ACADM: variants seen among roughly 807,000 people sequenced by gnomAD.
ACADM encodes the protein acyl-CoA dehydrogenase medium chain.
A neutral mutation model predicts 58.9 loss-of-function variants in ACADM; 49 were observed. The ratio of observed to expected loss-of-function variants is 0.83; its 90% confidence interval spans 0.66 to 1.06. The LOEUF (loss-of-function observed/expected upper bound fraction) is 1.06, where lower values mean the gene tolerates loss of function less well. Among genes scored for constraint, ACADM ranks in the 50% least tolerant of loss-of-function variants. The pLI is 0.00. For missense variants in ACADM, 496 were observed against 507.0 expected, an observed-to-expected ratio of 0.98 and a Z score of 0.21; for synonymous variants, 160 against 157.7, an observed-to-expected ratio of 1.01 and a Z score of -0.11.
chr1:75,732,797 G>A lies in ACADM; in HGVS notation c.216+56G>A, dbSNP rs1647168935. ...TCTTTTACATTTTTTACAAGATTAT[G>A]TAATCAAACTATCTGGATTTCAAAA... On this transcript the variant is annotated intron_variant, in intron 3 of 11. Coordinates refer to ENST00000370841, the MANE Select transcript of ACADM (RefSeq NM_000016.6). 3.7e-6 allele frequency: 6 copies of A among 1,603,978 alleles called. No individual in the cohort carries two copies. The East Asian group carries it at 1.3e-4, about 36-fold the overall frequency.
At chr1:75,731,010 G>T (rs186235500) in intron 2 of ACADM, among the ~76,000 whole-genome samples, 40 of 152,144 alleles carry the variant, frequency 2.6e-4, no homozygotes, top group African/African-American at 8.7e-4. Context: ...GATTTGGCTG[G>T]GCGCAGTGGC....
intron 6 of ACADM, among the ~76,000 whole-genome samples, chr1:75,736,376 T>G (rs747387411): frequency 9.9e-5 from 15 of 152,230 alleles, no homozygotes; most frequent in Non-Finnish European, 2.2e-4. Flanking sequence ...AATAAATGTT[T>G]TTTATTTCAG....
chr1:75,725,301 G>A (rs1397211108), intron 1 of ACADM, among the ~76,000 whole-genome samples: 2 of 151,906 alleles, frequency 1.3e-5, no homozygotes, highest in African/African-American at 4.8e-5. Context: ...GTATATTCTA[G>A]TATTGGATCT....
intron 7 of ACADM, chr1:75,745,452 C>T (rs1029341429): frequency 1.2e-5 from 3 of 246,160 alleles, no homozygotes; most frequent in Non-Finnish European, 2.4e-5. Flanking sequence ...TGCCACTGTA[C>T]TCCAGCCTGC....
At chr1:75,749,287 A>C (rs1648067200) in intron 8 of ACADM, 132 bp from the exon 9 acceptor site, 1 of 851,238 alleles carries the variant, frequency 1.2e-6, no homozygotes, top group African/African-American at 1.7e-5. Context: ...TTCTTTGCAA[A>C]ACAGGCATTG....
intron 1 of ACADM, among the ~76,000 whole-genome samples, chr1:75,725,635 T>C (rs1409558937): frequency 6.6e-6 from 1 of 152,236 alleles, no homozygotes; most frequent in Non-Finnish European, 1.5e-5. Flanking sequence ...TTCTCTTCTT[T>C]AACCCATAAA....
chr1:75,746,851 G>C (rs1647932290), intron 8 of ACADM, among the ~76,000 whole-genome samples: 1 of 151,948 alleles, frequency 6.6e-6, no homozygotes, highest in Non-Finnish European at 1.5e-5. Context: ...CTCCCACCTT[G>C]GCCCCCTAAA....
intron 10 of ACADM, among the ~76,000 whole-genome samples, chr1:75,758,423 A>T (rs1648629232): frequency 6.6e-6 from 1 of 152,178 alleles, no homozygotes; most frequent in African/African-American, 2.4e-5. Flanking sequence ...GTAAGGTATG[A>T]GGGAAGATGC....
intron 1 of ACADM, among the ~76,000 whole-genome samples, chr1:75,727,783 G>C (rs1229678234): frequency 6.6e-6 from 1 of 152,092 alleles, no homozygotes; most frequent in African/African-American, 2.4e-5. Context: ...CTGTGAAAGC[G>C]GCAATAGACA....
intron 2 of ACADM, among the ~76,000 whole-genome samples, chr1:75,731,356 T>C (rs1006516900): frequency 6.6e-6 from 1 of 151,828 alleles, no homozygotes; most frequent in Non-Finnish European, 1.5e-5. Flanking sequence ...AGCTTTTATG[T>C]ATTGTTTCTC....
chr1:75,743,138 G>A (rs1298100930), intron 7 of ACADM, among the ~76,000 whole-genome samples: 2 of 151,716 alleles, frequency 1.3e-5, no homozygotes, highest in Admixed American at 1.3e-4. Flanking sequence ...AGAGCTGATG[G>A]AAGAAAGGCA....
chr1:75,760,472 G>T (rs1648771560), intron 10 of ACADM, among the ~76,000 whole-genome samples: 1 of 143,170 alleles, frequency 7.0e-6, no homozygotes, highest in Non-Finnish European at 1.5e-5. Flanking sequence ...AGGCGGGAGG[G>T]TCGTTGAGGC....
intron 7 of ACADM, among the ~76,000 whole-genome samples, chr1:75,745,184 G>A (rs1372499281): frequency 2.6e-5 from 4 of 152,112 alleles, no homozygotes; most frequent in East Asian, 3.9e-4. Context: ...ACAATGTATT[G>A]TAATAAGTTA....
At chr1:75,761,428 A>G in intron 11 of ACADM, 58 bp downstream of exon 11, 2 of 1,577,818 alleles carry the variant, frequency 1.3e-6, no homozygotes, top group East Asian at 2.2e-5. Flanking sequence ...ATAAATGACA[A>G]CGTGGATTTC....
chr1:75,732,413 CTCATTTG>C (rs1329358947), intron 2 of ACADM: 17 of 526,308 alleles, frequency 3.2e-5, no homozygotes, highest in Non-Finnish European at 5.1e-5. Context: ...ATATCTATTA[CTCATTTG>C]TAAAAGTTAA....
intron 10 of ACADM, among the ~76,000 whole-genome samples, chr1:75,756,537 A>T (rs1016021993): frequency 6.6e-6 from 1 of 152,202 alleles, no homozygotes; most frequent in Non-Finnish European, 1.5e-5. Context: ...GAGAACCACA[A>T]ACCACCACTC....
chr1:75,752,380 TG>T (rs1648256554), intron 10 of ACADM, among the ~76,000 whole-genome samples: 1 of 152,252 alleles, frequency 6.6e-6, no homozygotes, highest in East Asian at 1.9e-4. Flanking sequence ...GTTAAATTGC[TG>T]TAAAAGTGTC....
Position 75,724,771 on chromosome 1 carries a change from C to A in ACADM, c.-17C>A. 6.5e-7 allele frequency: 1 copy of A among 1,527,020 alleles called. No individual in the cohort carries two copies. The highest frequency in any genetic ancestry group is 8.8e-7 in the Non-Finnish European group (1 of 1,135,974). 94.6% of individuals were successfully genotyped at this position (1,527,020 alleles called of 1,614,324 possible). ...GACCCGTGTATTATTGTCCGAGTGGCCGGAACGGGAGCCAACATGGCAGCG... is the reference window on the plus strand; with the variant it reads ...GACCCGTGTATTATTGTCCGAGTGGACGGAACGGGAGCCAACATGGCAGCG... On this transcript the variant is annotated 5_prime_UTR_variant, in exon 1 of 12. Coordinates refer to ENST00000370841, the MANE Select transcript of ACADM (RefSeq NM_000016.6).
chr1:75,755,599 C>A (rs114618810), intron 10 of ACADM, among the ~76,000 whole-genome samples: 1 of 152,130 alleles, frequency 6.6e-6, no homozygotes, highest in African/African-American at 2.4e-5. Context: ...ACACCAAAAC[C>A]GCATCTGTAC....
Sources: gnomAD v4.1 joint callset for allele counts (sites outside exome capture counted in the v4.1 genomes callset) on GRCh38, gnomAD v4.1.1 for gene constraint, MANE v1.5 for transcripts, NCBI Gene and HGNC (gene_info 2026-07-23, HGNC 2026-07-21) for gene names.